SCNN1D: variants seen among roughly 807,000 people sequenced by gnomAD.
SCNN1D encodes the protein epithelial sodium channel subunit delta.
SCNN1D carries 104 observed loss-of-function variants against 87.8 expected under a neutral mutation model. That is an observed-to-expected ratio of 1.18 (90% CI 1.01 to 1.39). The LOEUF (loss-of-function observed/expected upper bound fraction) is 1.39. Ranked by LOEUF, SCNN1D falls within the 40% of genes most tolerant of loss-of-function variation. The probability of loss-of-function intolerance (pLI) is 0.00; values close to 1 mark genes in which losing one functional copy is unlikely to be tolerated. For synonymous variants in SCNN1D, 628 were observed against 481.2 expected (o/e 1.31, Z -3.99); for missense variants, 1,324 against 1,093.9 (o/e 1.21, Z -2.97).
chr1:1,288,667 G>A (rs1212951625), intron 12 of SCNN1D, among the ~76,000 whole-genome samples: 1 of 91,154 alleles, frequency 1.1e-5, no homozygotes. Flanking sequence ...GCTCCGTCCC[G>A]TGTCTCTGCT....
At chr1:1,288,174 C>T (rs1307450095) in intron 12 of SCNN1D, 137 bp downstream of exon 12, 6 of 645,522 alleles carry the variant, frequency 9.3e-6, no homozygotes, top group Non-Finnish European at 1.6e-5. Flanking sequence ...GAGGCCCGCA[C>T]TCCATCCCCC....
chr1:1,291,873 C>G lies in SCNN1D; in HGVS notation c.*263C>G. ...GGACGTGCCGACACGCGGTGATGTA[C>G]CCATGCTCCGTGTGTCTGTGTCTGC... On this transcript the variant is annotated 3_prime_UTR_variant, in exon 18 of 18. Transcript: ENST00000379116. 1 of 391,072 alleles carries G rather than the reference C, an allele frequency of 2.6e-6. No homozygotes were observed. The highest frequency in any genetic ancestry group is 4.1e-5 in the Admixed American group (1 of 24,230). 24.2% of individuals were successfully genotyped at this position (391,072 alleles called of 1,614,324 possible). A position where few individuals can be genotyped will look rare whatever the true frequency, so the allele number is the denominator to read the frequency against.
chr1:1,289,503 T>C lies in SCNN1D; in HGVS notation c.1663-768T>C, dbSNP rs376764783. On this transcript the variant is annotated intron_variant, in intron 12 of 17. Transcript: ENST00000379116. ...TCTCTGCTCCGTCCCGTGTCTCTGCTCCGTCCCCCGTGTCTGCTCCGTCCC... is the reference window on the plus strand; with the variant it reads ...TCTCTGCTCCGTCCCGTGTCTCTGCCCCGTCCCCCGTGTCTGCTCCGTCCC... 0.016 allele frequency among the ~76,000 whole-genome samples: 35 copies of C among 2,138 alleles called. 8 individuals are homozygous for C. In the East Asian group the frequency reaches 0.19, roughly 11 times the overall value. The allele number at this position is 2,138 out of a possible 152,430, so 1.4% of individuals were successfully genotyped here.
At chr1:1,285,372 C>T (rs1271355792) in intron 5 of SCNN1D, among the ~76,000 whole-genome samples, 199 bp from the exon 6 acceptor site, 1 of 152,198 alleles carries the variant, frequency 6.6e-6, no homozygotes, top group Non-Finnish European at 1.5e-5. Flanking sequence ...GGGGCCACCC[C>T]GAGCCACAGT....
At position 1,291,097 on chromosome 1, in the gene SCNN1D, A is replaced by C. The variant is rs765127852; in HGVS notation, c.2009A>C (p.Gln670Pro). The C allele has an allele frequency of 6.2e-7, 1 of 1,611,908 alleles. No homozygotes were observed. The highest frequency in any genetic ancestry group is 1.3e-5 in the African/African-American group (1 of 74,806). ...SSLAKINIVY[Q>P]ELNYRSVEEA... is the part of the protein sequence containing the mutation. The stretch of plus-strand genomic sequence containing the variant: ...CTGGCCAAAATCAACATCGTCTACC[A>C]GGAGCTCAACTACCGCTCAGTGGAG... Residue 670 changes from glutamine (Q) to proline (P), a missense_variant, in exon 17 of 18, where the codon CAG becomes CCG. Gln to Pro is a moderately conservative substitution (Grantham distance 76). Coordinates refer to ENST00000379116, the MANE Select transcript of SCNN1D (RefSeq NM_001130413.4).
chr1:1,290,786 A>G (rs1409200442), intron 15 of SCNN1D, 92 bp downstream of exon 15: 1 of 1,582,888 alleles, frequency 6.3e-7, no homozygotes, highest in Non-Finnish European at 8.6e-7. Flanking sequence ...GCAGGGCCGG[A>G]ACTGACCCAG....
At position 1,291,545 on chromosome 1, in the gene SCNN1D, C is replaced by T. The variant is rs1191894622; in HGVS notation, c.2344C>T (p.Leu782=). 3 of 1,595,756 alleles carry T rather than the reference C, an allele frequency of 1.9e-6. No individual in the cohort carries two copies. In the Admixed American group the frequency reaches 5.1e-5, roughly 27 times the overall value. ...HLPRVMLPGV[L]AGVSAEESWA... The stretch of plus-strand genomic sequence containing the variant: ...CCCACGGGTGATGCTTCCAGGGGTT[C>T]TGGCGGGAGTCTCAGCCGAAGAGAG... Residue 782 remains leucine (L), a synonymous_variant, in exon 18 of 18, where the codon CTG becomes TTG. Transcript: ENST00000379116.
In SCNN1D at chr1:1,286,811, G is replaced by C; in HGVS notation, c.955G>C (p.Ala319Pro). The change falls in exon 8 of 18, where the codon GCC becomes CCC. Residue 319 changes from alanine to proline, a missense_variant. Physicochemically the swap from Ala to Pro is conservative, Grantham distance 27. Transcript: ENST00000379116. ...CCATCTGGAGCTGCTGGACGAGTTT[G>C]CCAGGGAGAACATTGACTCCCTGTA... Reference protein sequence around the residue: ...LRHLELLDEFARENIDSLYNV... With the variant: ...LRHLELLDEFPRENIDSLYNV... 6.2e-7 allele frequency: 1 copy of C among 1,612,698 alleles called. No homozygotes were observed. Among genetic ancestry groups the C allele is most frequent in the Non-Finnish European group, 8.5e-7 (1 of 1,179,930 alleles).
In SCNN1D at chr1:1,287,574, T is replaced by C. The variant is rs1247857220; in HGVS notation, c.1377T>C (p.Ala459=). 3 of 1,589,388 alleles carry C rather than the reference T, an allele frequency of 1.9e-6. No homozygotes were observed. Among genetic ancestry groups the C allele is most frequent in the African/African-American group, 2.7e-5 (2 of 74,474 alleles). ...ACACGGTCGATGGCGTCTGGACAGC[T>C]CAGCGCCCCGGCATCACCCACGGTG... ...SCYTVDGVWT[A]QRPGITHGVG... is the part of the protein sequence containing the mutation. Residue 459 remains alanine (A), a synonymous_variant, in exon 10 of 18, where the codon GCT becomes GCC. Transcript: ENST00000379116.
intron 4 of SCNN1D, among the ~76,000 whole-genome samples, chr1:1,283,516 T>G (rs1015256188): frequency 1.3e-5 from 2 of 152,056 alleles, no homozygotes; most frequent in Non-Finnish European, 2.9e-5. Context: ...CTGAGCAGCA[T>G]GGAGAAACCC....
chr1:1,290,256 C>G lies in SCNN1D; in HGVS notation c.1663-15C>G, dbSNP rs766938215. On this transcript the variant is annotated splice_polypyrimidine_tract_variant and intron_variant, in intron 12 of 17. Coordinates refer to ENST00000379116, the MANE Select transcript of SCNN1D (RefSeq NM_001130413.4). ...CGCTCCATCCCATGTCCCTGCTCAT[C>G]CCCCCTGTCCCCAGGCCTGCCTGGT... is the stretch of plus-strand genomic sequence containing the variant. 1.3e-6 allele frequency: 2 copies of G among 1,528,060 alleles called. No individual in the cohort carries two copies. Among genetic ancestry groups the G allele is most frequent in the Non-Finnish European group, 1.8e-6 (2 of 1,133,530 alleles). 94.7% of individuals were successfully genotyped at this position (1,528,060 alleles called of 1,614,324 possible).
In SCNN1D at chr1:1,282,259, A is replaced by G. The variant is rs1640484347; in HGVS notation, c.295A>G (p.Met99Val). The G allele has an allele frequency of 1.9e-6, 3 of 1,545,210 alleles. No individual in the cohort carries two copies. The highest frequency in any genetic ancestry group is 2.6e-6 in the Non-Finnish European group (3 of 1,142,302). ...TCACACAGGCCTGGGTGACTCCAGCATGGCTTTCCTCTCCAGGACGTCACC... is the reference window on the plus strand; with the variant it reads ...TCACACAGGCCTGGGTGACTCCAGCGTGGCTTTCCTCTCCAGGACGTCACC... The part of the protein sequence containing the change: ...GCGTGLGDSS[M>V]AFLSRTSPVA... Residue 99 changes from methionine to valine, a missense_variant, in exon 4 of 18, where the codon ATG (methionine) becomes GTG (valine). Transcript: ENST00000379116.
chr1:1,282,943 G>A (rs375787351), intron 4 of SCNN1D, among the ~76,000 whole-genome samples: 135 of 152,072 alleles, frequency 8.9e-4, no homozygotes, highest in African/African-American at 3.0e-3. Context: ...TAGTAGAGAC[G>A]GGGTTTCACC....
intron 4 of SCNN1D, among the ~76,000 whole-genome samples, chr1:1,282,814 A>G (rs915021818): frequency 6.7e-6 from 1 of 150,240 alleles, no homozygotes; most frequent in African/African-American, 2.5e-5. Context: ...GTGCAGTGGC[A>G]CGATCTCGGC....
rs1570613601 is a variant in SCNN1D, at chr1:1,290,503, G to A, written c.1807G>A (p.Asp603Asn). 5 of 1,612,636 alleles carry A rather than the reference G, an allele frequency of 3.1e-6. No individual in the cohort carries two copies. Among genetic ancestry groups the A allele is most frequent in the Non-Finnish European group, 3.4e-6 (4 of 1,179,918 alleles). ...WGHCFYRLYQ[D>N]LETHRLPCTS... ...ACACTGCTTCTACCGCCTCTACCAG[G>A]ACCTGGAGACCCACCGGCTCCCCTG... is the stretch of plus-strand genomic sequence containing the variant. Residue 603 changes from aspartate (D) to asparagine (N), a missense_variant, in exon 14 of 18, where the codon GAC (aspartate) becomes AAC (asparagine). Physicochemically the swap from Asp to Asn is conservative, Grantham distance 23. Transcript: ENST00000379116.
intron 12 of SCNN1D, 49 bp from the exon 13 acceptor site, chr1:1,290,196 TCCGTCCCGTGTCTCTGCCCCGTCCCC>T: frequency 2.5e-6 from 2 of 785,852 alleles, no homozygotes; most frequent in Non-Finnish European, 3.7e-6. Flanking sequence ...GTGTCCCTGC[TCCGTCCCGTGTCTCTGCCCCGTCCCC>T]CATGTCTCCG....
At chr1:1,286,730 C>A (rs556222216) in intron 7 of SCNN1D, 38 bp from the exon 8 acceptor site, 7 of 1,592,456 alleles carry the variant, frequency 4.4e-6, no homozygotes, top group Non-Finnish European at 6.0e-6. Flanking sequence ...TGTGAGGCCC[C>A]GGGCCGGCAA....
rs1007636303 is a variant in SCNN1D at position 1,287,782 on chromosome 1, G to A, written c.1509G>A (p.Gly503=). The change falls in exon 11 of 18, where the codon GGG becomes GGA. Residue 503 remains glycine (G), a synonymous_variant. Coordinates refer to ENST00000379116, the MANE Select transcript of SCNN1D (RefSeq NM_001130413.4). ...GCCGTAACCACACGCCCTTCCTGGG[G>A]CACCACAGCTTCAGCGTCCGGCCAG... The part of the protein sequence containing the change: ...VHGRNHTPFL[G]HHSFSVRPGT... 1 of 1,594,356 alleles carries A rather than the reference G, an allele frequency of 6.3e-7. No homozygotes were observed.
In SCNN1D at chr1:1,290,923, A is replaced by G. The variant is rs1640789339; in HGVS notation, c.1946A>G (p.Gln649Arg). 1 of 1,609,776 alleles carries G rather than the reference A, an allele frequency of 6.2e-7. No individual in the cohort carries two copies. The highest frequency in any genetic ancestry group is 1.3e-5 in the African/African-American group (1 of 74,978). ...TGGACTCTGGCCACGCTAGGTGAACAGGGGCTGCCGCATCAGAGCCACAGA... is the reference window on the plus strand; with the variant it reads ...TGGACTCTGGCCACGCTAGGTGAACGGGGGCTGCCGCATCAGAGCCACAGA... ...AGWTLATLGE[Q>R]GLPHQSHRQR... Residue 649 changes from glutamine (Q) to arginine (R), a missense_variant, in exon 16 of 18, where the codon CAG becomes CGG. Coordinates refer to ENST00000379116, the MANE Select transcript of SCNN1D (RefSeq NM_001130413.4).
Sources: allele counts gnomAD v4.1 joint callset (sites outside exome capture counted in the v4.1 genomes callset), GRCh38; gene constraint gnomAD v4.1.1; transcripts MANE v1.5; gene names NCBI Gene and HGNC (gene_info 2026-07-23, HGNC 2026-07-21).